The following SLC18A1 variants were observed in gnomAD, a reference collection of about 807,000 sequenced individuals.
SLC18A1 encodes solute carrier family 18 member A1.
Under a neutral mutation model 53.7 loss-of-function variants are expected in SLC18A1, and 69 were observed. The ratio of observed to expected loss-of-function variants is 1.28; its 90% CI spans 1.06 to 1.57. The LOEUF (loss-of-function observed/expected upper bound fraction) is 1.57, where lower values mean the gene tolerates loss of function less well. SLC18A1 is among the 40% of genes most tolerant of loss of function. The pLI is 0.00. For synonymous variants in SLC18A1, 320 were observed against 248.1 expected, an observed-to-expected ratio of 1.29 and a Z score of -2.72; for missense variants, 932 against 668.1, an observed-to-expected ratio of 1.40 and a Z score of -4.35.
intron 4 of SLC18A1, among the ~76,000 whole-genome samples, chr8:20,177,849 C>T (rs1311171103): frequency 6.6e-6 from 1 of 152,158 alleles, no homozygotes; most frequent in Non-Finnish European, 1.5e-5. Flanking sequence ...CTGTGTTTAT[C>T]CCATCTCCAT....
chr8:20,148,582 G>C, intron 12 of SLC18A1: 1 of 716,884 alleles, frequency 1.4e-6, no homozygotes, highest in Non-Finnish European at 2.1e-6. Flanking sequence ...GAGGGGGCAG[G>C]TGGTGTGGCT....
chr8:20,163,981 C>T (rs997724984), intron 10 of SLC18A1, among the ~76,000 whole-genome samples: 3 of 152,178 alleles, frequency 2.0e-5, no homozygotes, highest in Non-Finnish European at 4.4e-5. Context: ...TACCGACTAA[C>T]TCAATTAATC....
At chr8:20,147,544 A>C (rs2071432131) in intron 14 of SLC18A1, 59 bp downstream of exon 14, 1 of 1,606,108 alleles carries the variant, frequency 6.2e-7, no homozygotes, top group Non-Finnish European at 8.5e-7. Context: ...TCCTGGCTGC[A>C]CTTCCAGCTG....
Position 20,145,754 on chromosome 8 carries a change from C to T in SLC18A1, c.*9G>A, listed in dbSNP as rs375639587. On this transcript the variant is annotated 3_prime_UTR_variant, in exon 16 of 16. Transcript: ENST00000276373. Reference sequence around the variant, plus strand: ...GAGGCATCATGAATTCAAGGAGCACCTTCTGCTGCTACTCCTCATGGTCAG... The same window carrying T: ...GAGGCATCATGAATTCAAGGAGCACTTTCTGCTGCTACTCCTCATGGTCAG... The T allele has an allele frequency of 6.8e-5, 108 of 1,576,748 alleles. 1 individual carries two copies. In the East Asian group the frequency reaches 1.0e-3, roughly 15 times the overall value.
chr8:20,170,470 G>T (rs1451726904), intron 8 of SLC18A1, among the ~76,000 whole-genome samples: 1 of 152,132 alleles, frequency 6.6e-6, no homozygotes. Context: ...CAAAGTCAAG[G>T]CCTTTAGATC....
chr8:20,159,983 C>T (rs1335071232), intron 10 of SLC18A1, among the ~76,000 whole-genome samples: 5 of 152,230 alleles, frequency 3.3e-5, no homozygotes, highest in Non-Finnish European at 5.9e-5. Flanking sequence ...CTGGATCTCA[C>T]CAGCCCTTTT....
intron 12 of SLC18A1, 77 bp downstream of exon 12, chr8:20,149,588 CCCTCTCTCTCT>C: frequency 2.1e-6 from 2 of 940,966 alleles, no homozygotes; most frequent in Admixed American, 2.4e-5. Flanking sequence ...CTCTCTCTCT[CCCTCTCTCTCT>C]CTCTCTCTCT....
rs150971374 is a variant in SLC18A1, at chr8:20,149,942, G to C, written c.1095-215C>G. Among the ~76,000 whole-genome samples the C allele has an allele frequency of 1.4e-3, 208 of 152,226 alleles. 5 individuals carry two copies. In the South Asian group the frequency reaches 0.039, roughly 29 times the overall value. On this transcript the variant is annotated intron_variant, in intron 11 of 15. Transcript: ENST00000276373. ...GGCTCCATCCCTTTTTCTATAGAAA[G>C]GCAGAGGAGGTGCCGTGGGACACAC...
intron 10 of SLC18A1, among the ~76,000 whole-genome samples, chr8:20,162,844 C>T (rs370163117): frequency 3.3e-5 from 5 of 152,294 alleles, no homozygotes; most frequent in African/African-American, 1.2e-4. Context: ...ACCCTTAATG[C>T]CTTAACCACA....
chr8:20,147,297 G>T lies in SLC18A1; in HGVS notation c.1425C>A (p.Cys475Ter). Residue 475 changes from cysteine to a stop codon, truncating the protein, a stop_gained, in exon 15 of 16, where the codon TGC becomes TGA. Transcript: ENST00000276373. LOFTEE classifies it high-confidence loss of function. ...TTGCCGGGGGGCTCCGCAGGTAGTA[G>T]CAGAGTGGAGCATAGACGATGTTGA... ...GVINIVYAPLCYYLRSPPAKE... is the reference protein window; with the variant it reads ...GVINIVYAPL The T allele has an allele frequency of 6.2e-7, 1 of 1,613,006 alleles. No homozygotes were observed. Among genetic ancestry groups the T allele is most frequent in the East Asian group, 2.2e-5 (1 of 44,876 alleles).
intron 10 of SLC18A1, among the ~76,000 whole-genome samples, chr8:20,153,482 C>A (rs1227994608): frequency 2.6e-5 from 4 of 152,076 alleles, no homozygotes; most frequent in Non-Finnish European, 5.9e-5. Flanking sequence ...TCAAGACCAT[C>A]CTAGCTAACA....
rs2071919557 is a variant in SLC18A1 at position 20,164,974 on chromosome 8, C to T, written c.920-10G>A. On this transcript the variant is annotated splice_polypyrimidine_tract_variant and intron_variant, in intron 9 of 15. Coordinates refer to ENST00000276373, the MANE Select transcript of SLC18A1 (RefSeq NM_003053.4). ...GCAAAGCAGATGGACCCTGGGGAGA[C>T]TGTTCTGTGAGCAGCCGTGGCTGCT... 8.7e-6 allele frequency: 14 copies of T among 1,613,952 alleles called. No individual in the cohort carries two copies. The Admixed American group carries it at 1.0e-4, about 12-fold the overall frequency.
At chr8:20,146,533 T>C (rs1374526319) in intron 15 of SLC18A1, among the ~76,000 whole-genome samples, 5 of 152,186 alleles carry the variant, frequency 3.3e-5, no homozygotes, top group Non-Finnish European at 7.4e-5. Flanking sequence ...GCCCTCAGGA[T>C]GTTTGTGCTG....
intron 10 of SLC18A1, among the ~76,000 whole-genome samples, chr8:20,153,282 G>T (rs2071604859): frequency 6.6e-6 from 1 of 152,144 alleles, no homozygotes; most frequent in Non-Finnish European, 1.5e-5. Context: ...AGATAGCTTA[G>T]CTAGAGTGAA....
chr8:20,157,448 T>C (rs999723934), intron 10 of SLC18A1, among the ~76,000 whole-genome samples: 7 of 151,934 alleles, frequency 4.6e-5, no homozygotes, highest in East Asian at 1.9e-4. Context: ...AATCACAACA[T>C]GGAGATTGGT....
intron 10 of SLC18A1, among the ~76,000 whole-genome samples, chr8:20,152,739 A>G (rs1164895074): frequency 5.3e-5 from 8 of 152,194 alleles, no homozygotes; most frequent in African/African-American, 1.9e-4. Context: ...AGATCCAAGG[A>G]CTGAGCCTTG....
chr8:20,155,578 T>G (rs907145449), intron 10 of SLC18A1, among the ~76,000 whole-genome samples: 1 of 152,298 alleles, frequency 6.6e-6, no homozygotes, highest in East Asian at 1.9e-4. Context: ...TACTCTATAG[T>G]TGCCCATGTG....
intron 13 of SLC18A1, 62 bp from the exon 14 acceptor site, chr8:20,147,784 C>G: frequency 5.0e-6 from 8 of 1,593,372 alleles, no homozygotes; most frequent in Non-Finnish European, 6.8e-6. Context: ...CCCCGCCTCT[C>G]CTCCTCCATT....
At chr8:20,146,595 C>T (rs1167916965) in intron 15 of SLC18A1, among the ~76,000 whole-genome samples, 1 of 152,110 alleles carries the variant, frequency 6.6e-6, no homozygotes, top group Non-Finnish European at 1.5e-5. Context: ...TGGATCTCTT[C>T]CCTGGGGTTT....
Sources: allele counts gnomAD v4.1 joint callset (sites outside exome capture counted in the v4.1 genomes callset), GRCh38; gene constraint gnomAD v4.1.1; transcripts MANE v1.5; gene names NCBI Gene and HGNC (gene_info 2026-07-23, HGNC 2026-07-21).